Variants in CDK19 observed in about 807,000 individuals in gnomAD.
CDK19 encodes the protein cyclin-dependent kinase 19.
CDK19 carries 20 observed loss-of-function variants against 68.3 expected under a neutral mutation model. The ratio of observed to expected loss-of-function variants is 0.29; its 90% CI spans 0.21 to 0.43. The LOEUF (loss-of-function observed/expected upper bound fraction) is 0.43. Among genes scored for constraint, CDK19 ranks in the 20% least tolerant of loss-of-function variants. The probability of loss-of-function intolerance (pLI) is 1.00; values close to 1 mark genes in which losing one functional copy is unlikely to be tolerated. For synonymous variants in CDK19, 221 were observed against 222.8 expected (o/e 0.99, Z 0.07); for missense variants, 339 against 623.5 (o/e 0.54, Z 4.86).
chr6:110,641,839 T>A lies in CDK19; in HGVS notation c.457-3133A>T, dbSNP rs78371378. Among the ~76,000 whole-genome samples the A allele has an allele frequency of 5.2e-3, 797 of 152,160 alleles. 6 individuals are homozygous for A. The highest frequency in any genetic ancestry group is 0.019 in the African/African-American group (775 of 41,496). On this transcript the variant is annotated intron_variant, in intron 4 of 12. Transcript: ENST00000368911. Reference sequence around the variant, plus strand: ...AGGATAACTAAGATTTGGATAAGCATAAACAACAAAAATGAAGAGTTTTCA... The same window carrying A: ...AGGATAACTAAGATTTGGATAAGCAAAAACAACAAAAATGAAGAGTTTTCA...
chr6:110,643,154 G>T, intron 4 of CDK19: 2 of 1,274,080 alleles, frequency 1.6e-6, no homozygotes, highest in Middle Eastern at 2.2e-4. Flanking sequence ...GCTACCAGTA[G>T]AAGCCAAAGC....
chr6:110,698,495 C>A (rs1004915213), intron 2 of CDK19, among the ~76,000 whole-genome samples: 1 of 151,826 alleles, frequency 6.6e-6, no homozygotes, highest in Non-Finnish European at 1.5e-5. Flanking sequence ...ATTAAGAAAG[C>A]CAAAAAACAA....
chr6:110,718,892 G>C (rs1376843545), intron 2 of CDK19, among the ~76,000 whole-genome samples: 3 of 152,120 alleles, frequency 2.0e-5, no homozygotes, highest in African/African-American at 7.2e-5. Flanking sequence ...GTGTGGAGCA[G>C]TTAAGTGAAA....
At chr6:110,645,995 T>A in intron 4 of CDK19, 1 of 1,127,298 alleles carries the variant, frequency 8.9e-7, no homozygotes, top group African/African-American at 1.5e-5. Context: ...TCTTCAAGTA[T>A]CTGGGCAAGC....
intron 2 of CDK19, among the ~76,000 whole-genome samples, chr6:110,671,440 T>C (rs190525826): frequency 2.0e-5 from 3 of 152,312 alleles, no homozygotes; most frequent in Admixed American, 1.3e-4. Flanking sequence ...TAAAGCTCTG[T>C]GAAAGATGCA....
intron 1 of CDK19, among the ~76,000 whole-genome samples, chr6:110,792,899 CT>C (rs1251407016): frequency 6.6e-6 from 1 of 152,100 alleles, no homozygotes; most frequent in Non-Finnish European, 1.5e-5. Flanking sequence ...TTGCTGGAGA[CT>C]TTTATACATT....
chr6:110,626,484 T>G (rs1271450661), intron 8 of CDK19, among the ~76,000 whole-genome samples: 1 of 152,230 alleles, frequency 6.6e-6, no homozygotes, highest in Non-Finnish European at 1.5e-5. Context: ...CTTCCAGAAT[T>G]GAGGGCTTTG....
chr6:110,646,930 T>C (rs1304496446), intron 4 of CDK19, among the ~76,000 whole-genome samples: 1 of 151,766 alleles, frequency 6.6e-6, no homozygotes, highest in Non-Finnish European at 1.5e-5. Context: ...CCGCCTCCAG[T>C]CTTTTGTGGA....
chr6:110,734,636 C>G (rs1197759702), intron 2 of CDK19, among the ~76,000 whole-genome samples: 2 of 150,326 alleles, frequency 1.3e-5, no homozygotes, highest in Non-Finnish European at 3.0e-5. Context: ...TGGCTAGCCC[C>G]TATTAGGCTT....
intron 1 of CDK19, among the ~76,000 whole-genome samples, chr6:110,763,060 G>A (rs766591053): frequency 1.4e-4 from 22 of 152,130 alleles, no homozygotes; most frequent in South Asian, 4.1e-4. Flanking sequence ...GAACTACAAC[G>A]CTTGCAACAA....
chr6:110,693,161 C>A (rs572021564), intron 2 of CDK19, among the ~76,000 whole-genome samples: 1 of 152,078 alleles, frequency 6.6e-6, no homozygotes, highest in Admixed American at 6.6e-5. Flanking sequence ...AGACTCACAC[C>A]GTGAACTTTT....
intron 8 of CDK19, among the ~76,000 whole-genome samples, chr6:110,625,108 A>C (rs561935603): frequency 1.4e-3 from 219 of 152,264 alleles, no homozygotes; most frequent in Non-Finnish European, 2.6e-3. Flanking sequence ...ACATATTTTA[A>C]AGCCTTTTTT....
At chr6:110,778,145 G>A (rs1253299816) in intron 1 of CDK19, among the ~76,000 whole-genome samples, 1 of 151,936 alleles carries the variant, frequency 6.6e-6, no homozygotes, top group Non-Finnish European at 1.5e-5. Context: ...TTCTTGTTAT[G>A]TTTATCACAA....
chr6:110,621,492 A>G lies in CDK19; in HGVS notation c.1111-122T>C. 1 of 926,624 alleles carries G rather than the reference A, an allele frequency of 1.1e-6. No individual in the cohort carries two copies. Among genetic ancestry groups the G allele is most frequent in the Admixed American group, 2.5e-5 (1 of 40,628 alleles). The allele number at this position is 926,624 out of a possible 1,614,324, so 57.4% of individuals were successfully genotyped here. A position where few individuals can be genotyped will look rare whatever the true frequency, so the allele number is the denominator to read the frequency against. On this transcript the variant is annotated intron_variant, in intron 11 of 12. Coordinates refer to ENST00000368911, the MANE Select transcript of CDK19 (RefSeq NM_015076.5). The surrounding 1 kb of genome is among the most constrained non-coding windows in gnomAD (Gnocchi z 5.4). The stretch of plus-strand genomic sequence containing the variant: ...GGGAGCAATCTATGTGGGACACTAG[A>G]GTGATGGGGAGGACTGGAGAATGGA...
chr6:110,677,152 C>G (rs1012851794), intron 2 of CDK19, among the ~76,000 whole-genome samples: 2 of 152,172 alleles, frequency 1.3e-5, no homozygotes, highest in Admixed American at 1.3e-4. Context: ...CACTCTGCAG[C>G]CAGGAGTGAT....
chr6:110,726,875 C>T (rs1562237019), intron 2 of CDK19, among the ~76,000 whole-genome samples: 1 of 152,114 alleles, frequency 6.6e-6, no homozygotes, highest in Non-Finnish European at 1.5e-5. Context: ...TAATACTTTG[C>T]ATTTTCATAA....
chr6:110,623,895 GTGTA>G (rs1427160549), intron 8 of CDK19, among the ~76,000 whole-genome samples: 6 of 103,032 alleles, frequency 5.8e-5, no homozygotes, highest in Admixed American at 1.1e-4. Context: ...ATATATGTGT[GTGTA>G]TATATATATA....
In CDK19 at chr6:110,746,119, C is replaced by G. The variant is rs758570753; in HGVS notation, c.204+7G>C. ...TAAAATAAATAACTGTATTTGTATC[C>G]ACTTACTGCAATCTCTCTACAAGCC... is the stretch of plus-strand genomic sequence containing the variant. On this transcript the variant is annotated splice_region_variant and intron_variant, in intron 2 of 12. Transcript: ENST00000368911. 1 of 1,507,964 alleles carries G rather than the reference C, an allele frequency of 6.6e-7. No homozygotes were observed. Among genetic ancestry groups the G allele is most frequent in the South Asian group, 1.2e-5 (1 of 81,362 alleles). 93.4% of individuals were successfully genotyped at this position (1,507,964 alleles called of 1,614,324 possible).
intron 1 of CDK19, among the ~76,000 whole-genome samples, chr6:110,807,645 G>T (rs1782771052): frequency 6.6e-6 from 1 of 152,062 alleles, no homozygotes; most frequent in Admixed American, 6.6e-5. Flanking sequence ...ATTTTTAGTA[G>T]AGACGGAGTT....
Sources: gnomAD v4.1 joint callset for allele counts (sites outside exome capture counted in the v4.1 genomes callset) on GRCh38, gnomAD v4.1.1 for gene constraint, Gnocchi (gnomAD v3.1) non-coding constraint, MANE v1.5 for transcripts, NCBI Gene and HGNC (gene_info 2026-07-23, HGNC 2026-07-21) for gene names.